Variants in SGCZ observed in about 807,000 individuals in gnomAD.
The protein encoded by SGCZ is sarcoglycan zeta, also known as zeta-sarcoglycan.
In SGCZ, 40 loss-of-function variants were observed where a neutral mutation model predicts 41.3. That is an observed-to-expected ratio of 0.97 (90% CI 0.75 to 1.26). The LOEUF (loss-of-function observed/expected upper bound fraction) is 1.26, where lower values mean the gene tolerates loss of function less well. SGCZ is among the 50% of genes most tolerant of loss of function. The probability of loss-of-function intolerance (pLI) is 0.00; values close to 1 mark genes in which losing one functional copy is unlikely to be tolerated. For missense variants in SGCZ, 552 were observed against 369.8 expected (o/e 1.49, Z -4.04); for synonymous variants, 206 against 137.5 (o/e 1.50, Z -3.49).
intron 2 of SGCZ, among the ~76,000 whole-genome samples, chr8:14,494,209 T>C (rs976818928): frequency 6.6e-6 from 1 of 152,168 alleles, no homozygotes; most frequent in Non-Finnish European, 1.5e-5. Context: ...ATTAACAAGA[T>C]GGTGATTCCA....
chr8:14,144,863 G>C (rs1294931823), intron 5 of SGCZ, among the ~76,000 whole-genome samples: 2 of 152,190 alleles, frequency 1.3e-5, no homozygotes. Flanking sequence ...GTGGCCTGGA[G>C]TGGTGGTGGC....
At chr8:14,653,976 C>T (rs189639772) in intron 1 of SGCZ, among the ~76,000 whole-genome samples, 84 of 152,188 alleles carry the variant, frequency 5.5e-4, no homozygotes, top group African/African-American at 1.9e-3. Context: ...TGACTATAAA[C>T]TTTCATTTGC....
At chr8:14,962,481 T>C (rs978846282) in intron 1 of SGCZ, among the ~76,000 whole-genome samples, 1 of 152,104 alleles carries the variant, frequency 6.6e-6, no homozygotes, top group Non-Finnish European at 1.5e-5. Context: ...ACAATAAATG[T>C]CATAGAAGTT....
In SGCZ at chr8:14,537,385, G is replaced by A. The variant is rs181360353; in HGVS notation, c.234+17347C>T. Among the ~76,000 whole-genome samples the A allele has an allele frequency of 1.2e-4, 18 of 151,920 alleles. No homozygotes were observed. In the East Asian group the frequency reaches 3.5e-3, roughly 30 times the overall value. The stretch of plus-strand genomic sequence containing the variant: ...TTGGGGCAACCTATGTCAATGTGGG[G>A]ACTCTCTACAAGGCACTTTGCTACA... On this transcript the variant is annotated intron_variant, in intron 2 of 7. Transcript: ENST00000382080.
chr8:14,988,266 A>G (rs1477132006), intron 1 of SGCZ, among the ~76,000 whole-genome samples: 1 of 151,790 alleles, frequency 6.6e-6, no homozygotes, highest in African/African-American at 2.4e-5. Context: ...CATCTTCTAA[A>G]AAAACTCTGA....
chr8:14,258,353 A>T (rs955814844), intron 3 of SGCZ, among the ~76,000 whole-genome samples: 9 of 152,112 alleles, frequency 5.9e-5, no homozygotes, highest in Non-Finnish European at 1.0e-4. Context: ...CACTCTGCAA[A>T]CACATGCCCT....
chr8:14,100,228 C>T (rs1268312727), intron 7 of SGCZ, among the ~76,000 whole-genome samples: 1 of 151,204 alleles, frequency 6.6e-6, no homozygotes, highest in Non-Finnish European at 1.5e-5. Flanking sequence ...TTATTTACAG[C>T]ACAATACTCA....
chr8:14,257,956 A>G (rs988157883), intron 3 of SGCZ, among the ~76,000 whole-genome samples: 5 of 152,178 alleles, frequency 3.3e-5, no homozygotes, highest in African/African-American at 1.2e-4. Flanking sequence ...AAGATCAATA[A>G]ATGAACAATT....
intron 1 of SGCZ, among the ~76,000 whole-genome samples, chr8:14,992,800 G>A (rs185578639): frequency 7.6e-6 from 1 of 130,990 alleles, no homozygotes; most frequent in Admixed American, 9.0e-5. Context: ...CAAAACTAGT[G>A]TTACCCTTGA....
intron 1 of SGCZ, among the ~76,000 whole-genome samples, chr8:14,915,957 A>G (rs1799423663): frequency 6.6e-6 from 1 of 152,212 alleles, no homozygotes; most frequent in South Asian, 2.1e-4. Context: ...CCATTTTAAC[A>G]TGTGTTCCAG....
In SGCZ at chr8:15,012,468, T is replaced by C. The variant is rs1333629150; in HGVS notation, c.39+225117A>G. Among the ~76,000 whole-genome samples the C allele has an allele frequency of 2.1e-5, 3 of 141,600 alleles. No individual in the cohort carries two copies. In the East Asian group the frequency reaches 6.0e-4, roughly 28 times the overall value. 92.9% of individuals were successfully genotyped at this position (141,600 alleles called of 152,430 possible). A position where few individuals can be genotyped will look rare whatever the true frequency, so the allele number is the denominator to read the frequency against. ...ACACAGTAAGACTTTTTCTAAAAAATAAATATAAATATATATATATATAAA... is the reference window on the plus strand; with the variant it reads ...ACACAGTAAGACTTTTTCTAAAAAACAAATATAAATATATATATATATAAA... On this transcript the variant is annotated intron_variant, in intron 1 of 7. Coordinates refer to ENST00000382080, the MANE Select transcript of SGCZ (RefSeq NM_139167.4).
At chr8:14,309,232 C>T (rs1801446258) in intron 3 of SGCZ, 5 of 1,515,536 alleles carry the variant, frequency 3.3e-6, no homozygotes, top group Non-Finnish European at 3.7e-6. Flanking sequence ...CTGTTGAAGA[C>T]TTCTGGGCTC....
chr8:14,601,156 G>C (rs764972450), intron 1 of SGCZ, among the ~76,000 whole-genome samples: 2 of 151,598 alleles, frequency 1.3e-5, no homozygotes, highest in East Asian at 1.9e-4. Flanking sequence ...TATTTGGTAG[G>C]TTCAATAACA....
At chr8:14,168,354 G>T (rs932978041) in intron 4 of SGCZ, among the ~76,000 whole-genome samples, 5 of 152,088 alleles carry the variant, frequency 3.3e-5, no homozygotes, top group Non-Finnish European at 7.4e-5. Context: ...CTGTAATATG[G>T]TTTGGTTGTC....
At chr8:14,896,728 C>T (rs1288422165) in intron 1 of SGCZ, among the ~76,000 whole-genome samples, 3 of 152,100 alleles carry the variant, frequency 2.0e-5, no homozygotes, top group East Asian at 1.9e-4. Context: ...AAACCTGCCT[C>T]GGCCTCCCAA....
chr8:14,891,112 G>C (rs1005597817), intron 1 of SGCZ, among the ~76,000 whole-genome samples: 5 of 152,154 alleles, frequency 3.3e-5, no homozygotes, highest in Non-Finnish European at 7.4e-5. Context: ...CCTGCAAGAA[G>C]AACCTCCCTT....
At chr8:14,677,284 ACT>A (rs1183104200) in intron 1 of SGCZ, among the ~76,000 whole-genome samples, 1 of 152,016 alleles carries the variant, frequency 6.6e-6, no homozygotes, top group Non-Finnish European at 1.5e-5. Context: ...AAATTATAAG[ACT>A]CTGATCAAAG....
At chr8:14,739,123 T>C (rs984003547) in intron 1 of SGCZ, among the ~76,000 whole-genome samples, 2 of 152,076 alleles carry the variant, frequency 1.3e-5, no homozygotes, top group Admixed American at 1.3e-4. Context: ...TGTGTGTCTG[T>C]GTGCGTGAGA....
intron 1 of SGCZ, among the ~76,000 whole-genome samples, chr8:15,032,831 C>T (rs13253523): frequency 0.011 from 1,736 of 152,242 alleles, 13 homozygotes; most frequent in Non-Finnish European, 0.018. Context: ...AACTCAACTT[C>T]TAGGCCAGCC....
Sources: gnomAD v4.1 joint callset for allele counts (sites outside exome capture counted in the v4.1 genomes callset) on GRCh38, gnomAD v4.1.1 for gene constraint, MANE v1.5 for transcripts, NCBI Gene and HGNC (gene_info 2026-07-23, HGNC 2026-07-21) for gene names.